ADAMTS12: variants seen among roughly 807,000 people sequenced by gnomAD.
The protein encoded by ADAMTS12 is ADAM metallopeptidase with thrombospondin type 1 motif 12, also known as A disintegrin and metalloproteinase with thrombospondin motifs 12.
In ADAMTS12, 118 loss-of-function variants were observed where a neutral mutation model predicts 167.8. That is an observed-to-expected ratio of 0.70 (90% CI 0.61 to 0.82). ADAMTS12 has a LOEUF of 0.82. Ranked by LOEUF, ADAMTS12 falls within the 40% of genes least tolerant of loss-of-function variation. The pLI is 0.00. For synonymous variants in ADAMTS12, 704 were observed against 716.9 expected, an observed-to-expected ratio of 0.98 and a Z score of 0.29; for missense variants, 1,916 against 1,998.8, an observed-to-expected ratio of 0.96 and a Z score of 0.79.
intron 3 of ADAMTS12, among the ~76,000 whole-genome samples, chr5:33,716,163 T>C (rs911563388): frequency 6.6e-6 from 1 of 152,030 alleles, no homozygotes; most frequent in Non-Finnish European, 1.5e-5. Flanking sequence ...TTAGTGCCCT[T>C]ATAAAAGAGG....
chr5:33,733,767 G>A (rs953495292), intron 3 of ADAMTS12, among the ~76,000 whole-genome samples: 6 of 152,104 alleles, frequency 3.9e-5, no homozygotes, highest in African/African-American at 1.4e-4. Flanking sequence ...TGTGGCCATG[G>A]AGACTCATCA....
At chr5:33,643,255 CTGTT>C (rs1740532387) in intron 10 of ADAMTS12, 119 bp downstream of exon 10, 7 of 910,916 alleles carry the variant, frequency 7.7e-6, no homozygotes, top group Admixed American at 5.8e-5. Flanking sequence ...GCTGGTCTGA[CTGTT>C]TGACCTCCAT....
chr5:33,651,203 TCTACAA>T (rs1372754581), intron 7 of ADAMTS12, among the ~76,000 whole-genome samples: 2 of 152,178 alleles, frequency 1.3e-5, no homozygotes, highest in Non-Finnish European at 2.9e-5. Context: ...CATGAGGTAC[TCTACAA>T]GTTTGACTGT....
intron 1 of ADAMTS12, among the ~76,000 whole-genome samples, chr5:33,885,481 A>T (rs1750603345): frequency 6.6e-6 from 1 of 151,976 alleles, no homozygotes; most frequent in East Asian, 1.9e-4. Context: ...AATAAAAAAT[A>T]AAAAATAATA....
At chr5:33,759,917 A>C (rs1270148411) in intron 2 of ADAMTS12, among the ~76,000 whole-genome samples, 1 of 152,214 alleles carries the variant, frequency 6.6e-6, no homozygotes, top group Non-Finnish European at 1.5e-5. Context: ...GCAACCACCA[A>C]AGAGAATAAG....
chr5:33,569,405 G>C (rs1746191270), intron 19 of ADAMTS12, among the ~76,000 whole-genome samples: 1 of 152,208 alleles, frequency 6.6e-6, no homozygotes, highest in Admixed American at 6.5e-5. Flanking sequence ...AAAACTTCCA[G>C]AGGAACGATC....
chr5:33,746,589 A>G (rs1449283216), intron 3 of ADAMTS12, among the ~76,000 whole-genome samples: 1 of 152,242 alleles, frequency 6.6e-6, no homozygotes, highest in African/African-American at 2.4e-5. Context: ...AGAAATCCTC[A>G]GAGGCCAAAA....
intron 2 of ADAMTS12, among the ~76,000 whole-genome samples, chr5:33,827,212 C>T (rs904725900): frequency 5.8e-5 from 2 of 34,560 alleles, no homozygotes; most frequent in African/African-American, 1.5e-4. Context: ...GGACACAAGT[C>T]GGTGATGGGA....
chr5:33,634,038 T>G (rs1422013904), intron 12 of ADAMTS12, among the ~76,000 whole-genome samples: 1 of 152,138 alleles, frequency 6.6e-6, no homozygotes, highest in Admixed American at 6.6e-5. Context: ...ACTTACCGAA[T>G]CAAAGTTTGC....
At chr5:33,745,560 A>G (rs1304329411) in intron 3 of ADAMTS12, among the ~76,000 whole-genome samples, 1 of 152,232 alleles carries the variant, frequency 6.6e-6, no homozygotes, top group South Asian at 2.1e-4. Context: ...GGATGGGCTC[A>G]GCACAGAGCA....
intron 2 of ADAMTS12, among the ~76,000 whole-genome samples, chr5:33,832,869 C>A (rs1219450874): frequency 6.6e-6 from 1 of 152,110 alleles, no homozygotes; most frequent in Non-Finnish European, 1.5e-5. Flanking sequence ...CCAGACTGAA[C>A]AATTGGCCTG....
intron 22 of ADAMTS12, among the ~76,000 whole-genome samples, chr5:33,540,477 G>C (rs1744639472): frequency 1.3e-5 from 2 of 152,248 alleles, no homozygotes; most frequent in South Asian, 4.1e-4. Context: ...CATGGTGTTT[G>C]AGCTCTGAGA....
In ADAMTS12 at chr5:33,683,889, C is replaced by T; in HGVS notation, c.801G>A (p.Val267=). 3 of 1,581,964 alleles carry T rather than the reference C, an allele frequency of 1.9e-6. No individual in the cohort carries two copies. The highest frequency in any genetic ancestry group is 1.4e-5 in the African/African-American group (1 of 73,756). Residue 267 remains valine, a synonymous_variant, in exon 4 of 24, where the codon GTG becomes GTA. Coordinates refer to ENST00000504830, the MANE Select transcript of ADAMTS12 (RefSeq NM_030955.4). ...TCATGATGGTGAGGATGTAGGACTC[C>T]ACATTCTCACTCCCATGGTATTCAA... ...KMIEYHGSEN[V]ESYILTIMNM... is the part of the protein sequence containing the mutation.
In ADAMTS12 at chr5:33,711,910, T is replaced by C. The variant is rs1269205815; in HGVS notation, c.635-27855A>G. Among the ~76,000 whole-genome samples, 5 of 152,314 alleles carry C rather than the reference T, an allele frequency of 3.3e-5. No homozygotes were observed. The South Asian group carries it at 8.3e-4, about 25-fold the overall frequency. ...GCTCAGCCTCTTACACTTGAGCTTG[T>C]AATTTTAAGAATAGTATTTCCATAT... On this transcript the variant is annotated intron_variant, in intron 3 of 23. Coordinates refer to ENST00000504830, the MANE Select transcript of ADAMTS12 (RefSeq NM_030955.4).
At chr5:33,720,284 T>TCACACACACACACACACA (rs3071626) in intron 3 of ADAMTS12, among the ~76,000 whole-genome samples, 11 of 147,912 alleles carry the variant, frequency 7.4e-5, no homozygotes, top group South Asian at 2.2e-4. Flanking sequence ...TCTCTCTCAC[T>TCACACACACACACACACA]CACACACACA....
At chr5:33,866,989 C>T (rs1352355193) in intron 2 of ADAMTS12, among the ~76,000 whole-genome samples, 2 of 151,504 alleles carry the variant, frequency 1.3e-5, no homozygotes, top group African/African-American at 4.8e-5. Context: ...TGGTGAAAGG[C>T]AATGCTTATA....
At chr5:33,783,034 T>A (rs1296699433) in intron 2 of ADAMTS12, among the ~76,000 whole-genome samples, 1 of 151,948 alleles carries the variant, frequency 6.6e-6, no homozygotes, top group Non-Finnish European at 1.5e-5. Context: ...ATAAAATAAT[T>A]ATCAAGAAAT....
rs1359171834 is a variant in ADAMTS12 at position 33,658,302 on chromosome 5, A to G, written c.1072T>C (p.Cys358Arg). Residue 358 changes from cysteine to arginine, a missense_variant, in exon 7 of 24, where the codon TGC (cysteine) becomes CGC (arginine). Coordinates refer to ENST00000504830, the MANE Select transcript of ADAMTS12 (RefSeq NM_030955.4). ...AGGTGAGACAGGCCCAGGGTCTCGC[A>G]GGGGCGATTGAAACCAGCACAGATG... ...KDICAGFNRPCETLGLSHLSG... is the reference protein window; with the variant it reads ...KDICAGFNRPRETLGLSHLSG... The G allele has an allele frequency of 1.9e-6, 3 of 1,613,580 alleles. No individual in the cohort carries two copies. Among genetic ancestry groups the G allele is most frequent in the Non-Finnish European group, 1.7e-6 (2 of 1,179,672 alleles).
At position 33,591,814 on chromosome 5, in the gene ADAMTS12, A is replaced by G. The variant is rs2079485417; in HGVS notation, c.2655-3005T>C. Among the ~76,000 whole-genome samples the G allele has an allele frequency of 2.0e-5, 3 of 152,136 alleles. No individual in the cohort carries two copies. The South Asian group carries it at 6.2e-4, about 31-fold the overall frequency. ...AAGACATTTTTCGTCGTCACAAATCAGTGGTGACAGGGAAAGGGGGGTGGG... is the reference window on the plus strand; with the variant it reads ...AAGACATTTTTCGTCGTCACAAATCGGTGGTGACAGGGAAAGGGGGGTGGG... On this transcript the variant is annotated intron_variant, in intron 17 of 23. Transcript: ENST00000504830.
Sources: allele counts gnomAD v4.1 joint callset (sites outside exome capture counted in the v4.1 genomes callset), GRCh38; gene constraint gnomAD v4.1.1; transcripts MANE v1.5; gene names NCBI Gene and HGNC (gene_info 2026-07-23, HGNC 2026-07-21).